The following CSMD1 variants were observed in gnomAD, a reference collection of about 807,000 sequenced individuals.
The protein encoded by CSMD1 is CUB and Sushi multiple domains 1, also known as CUB and sushi domain-containing protein 1.
A neutral mutation model predicts 417.5 loss-of-function variants in CSMD1; 213 were observed. The observed-to-expected ratio is 0.51, with a 90% CI of 0.46 to 0.57. The LOEUF (loss-of-function observed/expected upper bound fraction) is 0.57. Among genes scored for constraint, CSMD1 ranks in the 20% least tolerant of loss-of-function variants. The pLI, the probability that CSMD1 is intolerant of heterozygous loss-of-function variation, is 0.00. For missense variants in CSMD1, 6,923 were observed against 4,529.7 expected (o/e 1.53, Z -15.17); for synonymous variants, 2,862 against 1,736.8 (o/e 1.65, Z -16.11).
intron 3 of CSMD1, among the ~76,000 whole-genome samples, chr8:4,189,912 C>A (rs1247774732): frequency 6.6e-6 from 1 of 151,562 alleles, no homozygotes; most frequent in African/African-American, 2.4e-5. Flanking sequence ...AAAATCTGTA[C>A]TCTTTTGCAT....
chr8:4,267,530 C>A (rs555701781), intron 3 of CSMD1, among the ~76,000 whole-genome samples: 55 of 151,860 alleles, frequency 3.6e-4, no homozygotes, highest in African/African-American at 1.2e-3. Context: ...CCCAGCTACA[C>A]TGCAACTCCA....
chr8:3,774,513 C>T (rs928438902), intron 5 of CSMD1, among the ~76,000 whole-genome samples: 1 of 152,144 alleles, frequency 6.6e-6, no homozygotes, highest in African/African-American at 2.4e-5. Context: ...TAGAAAGATG[C>T]TGAATACATG....
chr8:3,220,031 G>C (rs966614468), intron 28 of CSMD1, among the ~76,000 whole-genome samples: 3 of 151,662 alleles, frequency 2.0e-5, no homozygotes, highest in Non-Finnish European at 2.9e-5. Flanking sequence ...TGTAGTCCTA[G>C]CTACTCAGGA....
chr8:4,428,881 A>G (rs1214301919), intron 2 of CSMD1, among the ~76,000 whole-genome samples: 2 of 151,758 alleles, frequency 1.3e-5, no homozygotes, highest in Admixed American at 6.6e-5. Context: ...CGTCCAGCTA[A>G]TTTTTGCATT....
Position 4,369,731 on chromosome 8 carries a change from G to C in CSMD1, c.415+50222C>G, listed in dbSNP as rs79455120. ...TTTTATTGTTGTTGGTTTAAAGATC[G>C]TTTTCTCTAATATAGAATTAGCTAC... On this transcript the variant is annotated intron_variant, in intron 3 of 69. Transcript: ENST00000635120. Among the ~76,000 whole-genome samples, 353 of 152,072 alleles carry C rather than the reference G, an allele frequency of 2.3e-3. 2 individuals carry two copies. Among genetic ancestry groups the C allele is most frequent in the African/African-American group, 8.2e-3 (342 of 41,496 alleles).
intron 7 of CSMD1, among the ~76,000 whole-genome samples, chr8:3,631,660 A>G (rs1428033739): frequency 6.6e-6 from 1 of 152,242 alleles, no homozygotes; most frequent in Non-Finnish European, 1.5e-5. Flanking sequence ...AGTCCAGCTC[A>G]GGTGGAATAA....
rs778039685 is a variant in CSMD1 at position 4,867,935 on chromosome 8, CGT to C, written c.85+126395_85+126396del. 7.1e-5 allele frequency among the ~76,000 whole-genome samples: 10 copies of C among 141,484 alleles called. No individual in the cohort carries two copies. In the South Asian group the frequency reaches 2.0e-3, roughly 28 times the overall value. The allele number at this position is 141,484 out of a possible 152,430, so 92.8% of individuals were successfully genotyped here. A position where few individuals can be genotyped will look rare whatever the true frequency, so the allele number is the denominator to read the frequency against. Reference sequence around the variant, plus strand: ...TTTCGAGCTAAGACCCTACTGTCTACGTGTGTGTGTTTCTACAAGTGCCTTAG... The same window carrying C: ...TTTCGAGCTAAGACCCTACTGTCTACGTGTGTGTTTCTACAAGTGCCTTAG... On this transcript the variant is annotated intron_variant, in intron 1 of 69. Transcript: ENST00000635120.
At chr8:3,921,225 A>G (rs1809232298) in intron 5 of CSMD1, among the ~76,000 whole-genome samples, 1 of 152,100 alleles carries the variant, frequency 6.6e-6, no homozygotes, top group South Asian at 2.1e-4. Flanking sequence ...TAATTTTTAC[A>G]GTATTGTATT....
chr8:3,134,215 AAAG>A (rs1280580030), intron 41 of CSMD1, among the ~76,000 whole-genome samples: 14 of 152,164 alleles, frequency 9.2e-5, no homozygotes, highest in Non-Finnish European at 1.6e-4. Flanking sequence ...AAAAGAAAGA[AAAG>A]AAAGAAAGAG....
At chr8:3,490,269 C>T (rs1818293472) in intron 11 of CSMD1, among the ~76,000 whole-genome samples, 1 of 152,122 alleles carries the variant, frequency 6.6e-6, no homozygotes, top group African/African-American at 2.4e-5. Context: ...TTTAGTTTTT[C>T]ATTTACAGAT....
intron 5 of CSMD1, among the ~76,000 whole-genome samples, chr8:3,850,025 A>C (rs996907530): frequency 6.6e-6 from 1 of 152,040 alleles, no homozygotes; most frequent in Non-Finnish European, 1.5e-5. Flanking sequence ...CAAACTTCTG[A>C]CCTCAGGTGA....
intron 1 of CSMD1, among the ~76,000 whole-genome samples, chr8:4,854,320 C>G (rs1431110050): frequency 1.3e-5 from 2 of 152,094 alleles, no homozygotes; most frequent in African/African-American, 4.8e-5. Context: ...GAGGCAGATC[C>G]CTCATAAATG....
intron 3 of CSMD1, among the ~76,000 whole-genome samples, chr8:4,053,203 T>A (rs1451918514): frequency 6.6e-6 from 1 of 152,188 alleles, no homozygotes; most frequent in South Asian, 2.1e-4. Context: ...TATAACACGT[T>A]ATTAAAAAGT....
At chr8:3,933,244 A>G (rs1424130077) in intron 5 of CSMD1, among the ~76,000 whole-genome samples, 2 of 152,216 alleles carry the variant, frequency 1.3e-5, no homozygotes, top group Admixed American at 1.3e-4. Flanking sequence ...AACAAGATTT[A>G]GAGTACGTGT....
intron 41 of CSMD1, among the ~76,000 whole-genome samples, chr8:3,134,352 T>G (rs566914866): frequency 9.9e-5 from 15 of 152,274 alleles, no homozygotes; most frequent in Non-Finnish European, 2.2e-4. Flanking sequence ...AGCGGACATC[T>G]GGATTCCACG....
chr8:3,354,153 G>C (rs1808589131), intron 21 of CSMD1, among the ~76,000 whole-genome samples: 1 of 152,172 alleles, frequency 6.6e-6, no homozygotes, highest in Admixed American at 6.5e-5. Context: ...TAAAAAGTAG[G>C]TGAAAATATA....
At chr8:4,524,355 AAAG>A (rs1294888772) in intron 2 of CSMD1, among the ~76,000 whole-genome samples, 2 of 152,190 alleles carry the variant, frequency 1.3e-5, no homozygotes, top group African/African-American at 4.8e-5. Flanking sequence ...AACGCAATAG[AAAG>A]AAGATGTATT....
chr8:4,612,656 A>G (rs1030885139), intron 2 of CSMD1, among the ~76,000 whole-genome samples: 1 of 152,146 alleles, frequency 6.6e-6, no homozygotes. Context: ...AGCCTTCTCC[A>G]TCTACTCAAC....
intron 12 of CSMD1, among the ~76,000 whole-genome samples, chr8:3,443,505 T>C (rs1444721203): frequency 6.6e-6 from 1 of 152,216 alleles, no homozygotes; most frequent in Admixed American, 6.5e-5. Context: ...TGTGCGTCTG[T>C]TTCTTAAAAG....
Sources: gnomAD v4.1 joint callset for allele counts (sites outside exome capture counted in the v4.1 genomes callset) on GRCh38, gnomAD v4.1.1 for gene constraint, MANE v1.5 for transcripts, NCBI Gene and HGNC (gene_info 2026-07-23, HGNC 2026-07-21) for gene names.